The following SLC6A12 variants were observed in gnomAD, a reference collection of about 807,000 sequenced individuals.
SLC6A12 encodes the protein sodium- and chloride-dependent betaine transporter.
In SLC6A12, 50 loss-of-function variants were observed where a neutral mutation model predicts 73.3. The ratio of observed to expected loss-of-function variants is 0.68; its 90% confidence interval spans 0.54 to 0.86. SLC6A12 has a LOEUF of 0.86. Among genes scored for constraint, SLC6A12 ranks in the 40% least tolerant of loss-of-function variants. The pLI is 0.00. For missense variants in SLC6A12, 648 were observed against 772.8 expected, an observed-to-expected ratio of 0.84 and a Z score of 1.92; for synonymous variants, 304 against 309.2, an observed-to-expected ratio of 0.98 and a Z score of 0.18.
At chr12:189,678 A>ACC (rs1258858554), downstream of SLC6A12, among the ~76,000 whole-genome samples, 4 of 151,970 alleles carry the variant, frequency 2.6e-5, no homozygotes, top group African/African-American at 9.7e-5. Context: ...TTCCCTTCTG[A>ACC]ACACAACAGC....
In SLC6A12 at chr12:201,951, G is replaced by A. The variant is rs950464200; in HGVS notation, c.491-102C>T. 8 of 918,510 alleles carry A rather than the reference G, an allele frequency of 8.7e-6. No individual in the cohort carries two copies. The African/African-American group carries it at 1.3e-4, about 15-fold the overall frequency. The allele number at this position is 918,510 out of a possible 1,614,324, so 56.9% of individuals were successfully genotyped here. ...AGCCTAGTGGTCCTCACCACTCCTA[G>A]CCCCAAGAGCTTCTTTTGGAGCCCC... On this transcript the variant is annotated intron_variant, in intron 5 of 15. Coordinates refer to ENST00000684302, the MANE Select transcript of SLC6A12 (RefSeq NM_001122848.3).
chr12:204,920 C>T (rs984890827), intron 3 of SLC6A12: 54 of 496,996 alleles, frequency 1.1e-4, no homozygotes, highest in Non-Finnish European at 1.5e-4. Flanking sequence ...ATGAGAAAGG[C>T]CTTGGAAGGG....
At chr12:195,427 C>T in intron 12 of SLC6A12, 100 bp from the exon 13 acceptor site, 1 of 775,102 alleles carries the variant, frequency 1.3e-6, no homozygotes, top group South Asian at 1.5e-5. Context: ...TGCACTCCTG[C>T]CCGGCCTGTG....
chr12:193,780 G>A (rs899352430), intron 13 of SLC6A12, among the ~76,000 whole-genome samples: 4 of 152,200 alleles, frequency 2.6e-5, no homozygotes, highest in Non-Finnish European at 5.9e-5. Flanking sequence ...GGCTCCCGCT[G>A]TTCAGACACA....
In SLC6A12 at chr12:190,911, G is replaced by T; in HGVS notation, c.*157C>A. 1 of 494,966 alleles carries T rather than the reference G, an allele frequency of 2.0e-6. No homozygotes were observed. The highest frequency in any genetic ancestry group is 3.2e-6 in the Non-Finnish European group (1 of 315,186). 30.7% of individuals were successfully genotyped at this position (494,966 alleles called of 1,614,324 possible). A position where few individuals can be genotyped will look rare whatever the true frequency, so the allele number is the denominator to read the frequency against. On this transcript the variant is annotated 3_prime_UTR_variant, in exon 16 of 16. Coordinates refer to ENST00000684302, the MANE Select transcript of SLC6A12 (RefSeq NM_001122848.3). ...GAAGGAGCTGCTCCAGCTAGCACAA[G>T]AGAGGAGTCTGGCCTCCAGCTGGGG...
chr12:202,591 G>C, intron 5 of SLC6A12, 149 bp downstream of exon 5: 1 of 710,378 alleles, frequency 1.4e-6, no homozygotes. Context: ...CCTCAGAGGA[G>C]CCAAGGAGCA....
chr12:195,411 G>A (rs1200682360), intron 12 of SLC6A12, 84 bp from the exon 13 acceptor site: 11 of 889,806 alleles, frequency 1.2e-5, no homozygotes, highest in East Asian at 4.9e-5. Context: ...AAATGCCCAC[G>A]TGGGGTGCAC....
intron 1 of SLC6A12, among the ~76,000 whole-genome samples, chr12:212,437 G>C (rs1376135326): frequency 1.3e-5 from 2 of 152,224 alleles, no homozygotes; most frequent in African/African-American, 4.8e-5. Flanking sequence ...TTGGGCCCAG[G>C]ATTTGGGTTT....
intron 7 of SLC6A12, among the ~76,000 whole-genome samples, chr12:200,360 G>A (rs111296348): frequency 3.0e-4 from 46 of 152,112 alleles, no homozygotes; most frequent in South Asian, 1.9e-3. Flanking sequence ...CGCCAGCCTC[G>A]GCCTCCCAAA....
downstream of SLC6A12, among the ~76,000 whole-genome samples, chr12:186,996 C>T (rs1939442790): frequency 6.6e-6 from 1 of 152,164 alleles, no homozygotes; most frequent in Non-Finnish European, 1.5e-5. Flanking sequence ...CCAAAGTTCT[C>T]ACTTTCTCCG....
At chr12:186,126 A>G (rs915634401), downstream of SLC6A12, among the ~76,000 whole-genome samples, 12 of 152,140 alleles carry the variant, frequency 7.9e-5, no homozygotes, top group Admixed American at 7.9e-4. Flanking sequence ...CAGGAGGCTC[A>G]GGCAGAAGGG....
chr12:187,318 G>C (rs189025540), downstream of SLC6A12, among the ~76,000 whole-genome samples: 39 of 152,184 alleles, frequency 2.6e-4, no homozygotes, highest in Admixed American at 5.2e-4. Flanking sequence ...GGCGTGTCCG[G>C]AGTTTGTTCC....
At position 197,934 on chromosome 12, in the gene SLC6A12, C is replaced by T. The variant is rs777413501; in HGVS notation, c.916G>A (p.Gly306Ser). 5 of 1,613,376 alleles carry T rather than the reference C, an allele frequency of 3.1e-6. No individual in the cohort carries two copies. The Admixed American group carries it at 8.3e-5, about 27-fold the overall frequency. ...TTGTTGTGATACTTGTTGTAGCTGCCCAGGGCTGTCAGGCACCCCTGGCAG... is the reference window on the plus strand; with the variant it reads ...TTGTTGTGATACTTGTTGTAGCTGCTCAGGGCTGTCAGGCACCCCTGGCAG... ...AICQGCLTAL[G>S]SYNKYHNNCY... Residue 306 changes from glycine (G) to serine (S), a missense_variant, in exon 9 of 16, where the codon GGC (glycine) becomes AGC (serine). Coordinates refer to ENST00000684302, the MANE Select transcript of SLC6A12 (RefSeq NM_001122848.3).
At chr12:204,853 A>G in intron 3 of SLC6A12, 155 bp from the exon 4 acceptor site, 1 of 747,588 alleles carries the variant, frequency 1.3e-6, no homozygotes, top group Non-Finnish European at 2.2e-6. Context: ...GCCTGCGTGC[A>G]GTCCTGAGTG....
intron 9 of SLC6A12, 70 bp downstream of exon 9, chr12:197,830 G>T: frequency 8.8e-7 from 1 of 1,130,930 alleles, no homozygotes; most frequent in Non-Finnish European, 1.3e-6. Flanking sequence ...AGAGACTATG[G>T]GTCTTTGCCC....
chr12:204,925 G>C, intron 3 of SLC6A12: 3 of 495,634 alleles, frequency 6.1e-6, no homozygotes, highest in Non-Finnish European at 1.1e-5. Context: ...AAAGGCCTTG[G>C]AAGGGAAATT....
chr12:191,257 C>T (rs906717680), intron 15 of SLC6A12, 46 bp from the exon 16 acceptor site: 18 of 1,255,026 alleles, frequency 1.4e-5, no homozygotes, highest in African/African-American at 1.1e-4. Context: ...GTGAGGGAGG[C>T]GCAGAAGGTT....
downstream of SLC6A12, among the ~76,000 whole-genome samples, chr12:187,675 C>T (rs1401511888): frequency 1.4e-5 from 2 of 145,802 alleles, no homozygotes; most frequent in South Asian, 2.2e-4. Context: ...GCGACCCCAG[C>T]GGGTTACCAC....
intron 3 of SLC6A12, among the ~76,000 whole-genome samples, chr12:205,386 C>T (rs950035109): frequency 1.3e-5 from 2 of 152,186 alleles, no homozygotes; most frequent in African/African-American, 2.4e-5. Context: ...ACCATGAGAA[C>T]GCTGAGTGCT....
Sources: allele counts gnomAD v4.1 joint callset (sites outside exome capture counted in the v4.1 genomes callset), GRCh38; gene constraint gnomAD v4.1.1; transcripts MANE v1.5; gene names NCBI Gene and HGNC (gene_info 2026-07-23, HGNC 2026-07-21).